SAXO1: variants seen among roughly 807,000 people sequenced by gnomAD.
SAXO1 encodes the protein stabilizer of axonemal microtubules 1, also known as 4930500O09Rik.
In SAXO1, 21 loss-of-function variants were observed where a neutral mutation model predicts 17.5. The observed-to-expected ratio is 1.20, with a 90% CI of 0.85 to 1.72. The LOEUF is 1.72. Among genes scored for constraint, SAXO1 ranks in the 40% most tolerant of loss-of-function variants. The pLI is 0.00. For missense variants in SAXO1, 843 were observed against 596.0 expected, an observed-to-expected ratio of 1.41 and a Z score of -4.32; for synonymous variants, 274 against 216.5, an observed-to-expected ratio of 1.27 and a Z score of -2.33.
chr9:18,966,408 T>G (rs777973003), intron 1 of SAXO1, among the ~76,000 whole-genome samples: 2 of 152,214 alleles, frequency 1.3e-5, no homozygotes, highest in Non-Finnish European at 2.9e-5. Flanking sequence ...TTTCATACAG[T>G]CCCATATTTC....
chr9:19,002,254 C>A (rs893245840), intron 1 of SAXO1, among the ~76,000 whole-genome samples: 11 of 151,920 alleles, frequency 7.2e-5, no homozygotes, highest in African/African-American at 2.4e-4. Flanking sequence ...GCAGTAATAG[C>A]CTACCAACCA....
Position 18,928,129 on chromosome 9 carries a change from C to G in SAXO1, c.1348G>C (p.Gly450Arg). Residue 450 changes from glycine (G) to arginine (R), a missense_variant, in exon 4 of 4, where the codon GGC becomes CGC. Physicochemically the swap from Gly to Arg is moderately radical, Grantham distance 125. Transcript: ENST00000380534. ...GAAAGATGGCTGCTCTGCTGAGAGC[C>G]TGCCTGGGAAACTGGTTTGTATATC... ...HRIYKPVSQAGSQQSSHLSVD... is the reference protein window; with the variant it reads ...HRIYKPVSQARSQQSSHLSVD... 6.2e-7 allele frequency: 1 copy of G among 1,614,172 alleles called. No individual in the cohort carries two copies. The highest frequency in any genetic ancestry group is 8.5e-7 in the Non-Finnish European group (1 of 1,180,034).
intron 1 of SAXO1, among the ~76,000 whole-genome samples, chr9:19,023,239 C>T (rs565749326): frequency 2.1e-5 from 3 of 146,156 alleles, no homozygotes; most frequent in Admixed American, 1.5e-4. Flanking sequence ...CTCTAGGGTG[C>T]GAGCTCCACA....
chr9:19,045,668 T>C (rs945267861), intron 1 of SAXO1, among the ~76,000 whole-genome samples: 6 of 152,184 alleles, frequency 3.9e-5, no homozygotes, highest in Admixed American at 2.6e-4. Flanking sequence ...AGCACAGGTC[T>C]AAATGAGGCA....
chr9:19,004,797 C>A (rs1009839433), intron 1 of SAXO1, among the ~76,000 whole-genome samples: 5 of 152,164 alleles, frequency 3.3e-5, no homozygotes, highest in Non-Finnish European at 7.3e-5. Context: ...AGCAGACCAA[C>A]ATGGCACATG....
intron 1 of SAXO1, among the ~76,000 whole-genome samples, chr9:19,040,115 G>C (rs1224616134): frequency 6.6e-6 from 1 of 152,124 alleles, no homozygotes; most frequent in African/African-American, 2.4e-5. Context: ...AAAAACTGTA[G>C]GTGCTTTTAT....
intron 3 of SAXO1, among the ~76,000 whole-genome samples, chr9:18,934,001 G>A (rs1831178605): frequency 6.6e-6 from 1 of 152,134 alleles, no homozygotes; most frequent in South Asian, 2.1e-4. Context: ...AGCCGAGATT[G>A]CAGCCACTGC....
intron 1 of SAXO1, among the ~76,000 whole-genome samples, chr9:19,022,303 A>G (rs148875789): frequency 3.3e-4 from 51 of 152,330 alleles, no homozygotes; most frequent in Middle Eastern, 3.4e-3. Flanking sequence ...CTCTGGACAC[A>G]CCATCTGTAA....
intron 1 of SAXO1, chr9:19,027,931 T>G: frequency 7.0e-7 from 1 of 1,419,268 alleles, no homozygotes; most frequent in South Asian, 1.2e-5. Context: ...TCCCAAAAGA[T>G]GAACGTCAGT....
intron 1 of SAXO1, chr9:19,026,771 C>G (rs61312381): frequency 0.11 from 51,354 of 455,488 alleles, 3,237 homozygotes; most frequent in South Asian, 0.14. Flanking sequence ...TAGCTCACAC[C>G]TGTAGTCTGA....
chr9:19,016,154 G>A (rs1005744350), intron 1 of SAXO1, among the ~76,000 whole-genome samples: 6 of 152,142 alleles, frequency 3.9e-5, no homozygotes, highest in South Asian at 2.1e-4. Flanking sequence ...AGCATAACCC[G>A]GCCAGGCATG....
chr9:18,978,919 G>T (rs557733083), intron 1 of SAXO1, among the ~76,000 whole-genome samples: 1 of 152,114 alleles, frequency 6.6e-6, no homozygotes, highest in African/African-American at 2.4e-5. Flanking sequence ...TTCAAAGAAA[G>T]TTTACTCCAG....
At chr9:19,010,152 C>A (rs532423075) in intron 1 of SAXO1, among the ~76,000 whole-genome samples, 133 of 25,360 alleles carry the variant, frequency 5.2e-3, no homozygotes, top group African/African-American at 0.014. Context: ...TAAAAAAAAA[C>A]AACAACAACA....
At chr9:18,949,663 G>C (rs1012710681) in intron 2 of SAXO1, among the ~76,000 whole-genome samples, 1 of 125,702 alleles carries the variant, frequency 8.0e-6, no homozygotes, top group African/African-American at 2.8e-5. Flanking sequence ...GTGTAGAGAA[G>C]AGCACCTCCA....
chr9:18,931,232 G>T (rs185543412), intron 3 of SAXO1, among the ~76,000 whole-genome samples: 1 of 152,118 alleles, frequency 6.6e-6, no homozygotes, highest in Non-Finnish European at 1.5e-5. Flanking sequence ...CTATAACTGC[G>T]CATTTTTTGG....
In SAXO1 at chr9:18,929,004, T is replaced by C; in HGVS notation, c.473A>G (p.His158Arg). Residue 158 changes from histidine (H) to arginine (R), a missense_variant, in exon 4 of 4, where the codon CAC (histidine) becomes CGC (arginine). Transcript: ENST00000380534. ...CCTGACTGATGCCGGCTGGTATTTGTGTTCCAGACGAAGTGGCTCTCGCCT... is the reference window on the plus strand; with the variant it reads ...CCTGACTGATGCCGGCTGGTATTTGCGTTCCAGACGAAGTGGCTCTCGCCT... ...QPRREPLRLEHKYQPASVRFD... is the reference protein window; with the variant it reads ...QPRREPLRLERKYQPASVRFD... 6.2e-7 allele frequency: 1 copy of C among 1,614,202 alleles called. No individual in the cohort carries two copies. Among genetic ancestry groups the C allele is most frequent in the Non-Finnish European group, 8.5e-7 (1 of 1,180,042 alleles).
chr9:18,957,960 A>G (rs1371662392), intron 1 of SAXO1, among the ~76,000 whole-genome samples: 2 of 152,226 alleles, frequency 1.3e-5, no homozygotes, highest in African/African-American at 2.4e-5. Context: ...GCAAAATATA[A>G]CAACTTTTGG....
At position 19,005,827 on chromosome 9, in the gene SAXO1, G is replaced by C. The variant is rs572713753; in HGVS notation, c.38+27044C>G. On this transcript the variant is annotated intron_variant, in intron 1 of 3. Coordinates refer to ENST00000380534, the MANE Select transcript of SAXO1 (RefSeq NM_153707.4). The stretch of plus-strand genomic sequence containing the variant: ...AACAACGCTATCAAGACAGTGAAAA[G>C]GTAAGCTACAGGCTGGGAAAAAATT... Among the ~76,000 whole-genome samples the C allele has an allele frequency of 1.1e-4, 16 of 152,250 alleles. No homozygotes were observed. In the East Asian group the frequency reaches 3.1e-3, roughly 29 times the overall value.
intron 2 of SAXO1, among the ~76,000 whole-genome samples, chr9:18,946,778 G>A (rs1283392495): frequency 1.3e-5 from 2 of 152,078 alleles, no homozygotes; most frequent in East Asian, 1.9e-4. Context: ...ATGAATTAAA[G>A]GATAGGAAAT....
Sources: allele counts gnomAD v4.1 joint callset (sites outside exome capture counted in the v4.1 genomes callset), GRCh38; gene constraint gnomAD v4.1.1; transcripts MANE v1.5; gene names NCBI Gene and HGNC (gene_info 2026-07-23, HGNC 2026-07-21).